ARHGAP26: variants seen among roughly 807,000 people sequenced by gnomAD.
The protein encoded by ARHGAP26 is Rho GTPase activating protein 26, also known as rho GTPase-activating protein 26.
ARHGAP26 carries 38 observed loss-of-function variants against 104.8 expected under a neutral mutation model. The ratio of observed to expected loss-of-function variants is 0.36; its 90% CI spans 0.28 to 0.48. The LOEUF (loss-of-function observed/expected upper bound fraction) is 0.48, where lower values mean the gene tolerates loss of function less well. ARHGAP26 is among the 20% of genes least tolerant of loss of function. ARHGAP26 has a pLI of 0.99. For synonymous variants in ARHGAP26, 341 were observed against 340.0 expected, an observed-to-expected ratio of 1.00 and a Z score of -0.03; for missense variants, 704 against 947.9, an observed-to-expected ratio of 0.74 and a Z score of 3.38.
intron 17 of ARHGAP26, chr5:143,103,167 C>T: frequency 1.1e-6 from 1 of 903,422 alleles, no homozygotes; most frequent in Non-Finnish European, 1.3e-6. Context: ...TTTACCTGTT[C>T]TTTTGATTTG....
intron 1 of ARHGAP26, among the ~76,000 whole-genome samples, chr5:142,797,444 A>G (rs563951827): frequency 6.6e-6 from 1 of 152,316 alleles, no homozygotes; most frequent in Non-Finnish European, 1.5e-5. Context: ...AAGGTGACTG[A>G]CTCAAGGATT....
chr5:142,879,524 C>G, intron 4 of ARHGAP26, 79 bp downstream of exon 4: 1 of 1,306,892 alleles, frequency 7.7e-7, no homozygotes, highest in Non-Finnish European at 1.1e-6. Context: ...AAAACAAAGT[C>G]TTCAGAAATG....
At chr5:143,035,468 C>T (rs1429871760) in intron 12 of ARHGAP26, among the ~76,000 whole-genome samples, 1 of 151,976 alleles carries the variant, frequency 6.6e-6, no homozygotes, top group African/African-American at 2.4e-5. Flanking sequence ...TGTTCTCACT[C>T]ATAAGTGGGA....
intron 12 of ARHGAP26, among the ~76,000 whole-genome samples, chr5:143,021,839 A>G (rs1780380723): frequency 6.6e-6 from 1 of 152,204 alleles, no homozygotes; most frequent in African/African-American, 2.4e-5. Flanking sequence ...CTGGATTGGT[A>G]ACACTGCTCT....
At chr5:142,920,156 C>T (rs1763010221) in intron 10 of ARHGAP26, among the ~76,000 whole-genome samples, 1 of 152,090 alleles carries the variant, frequency 6.6e-6, no homozygotes. Context: ...CAAAATGTGT[C>T]AACTCTTTGA....
intron 20 of ARHGAP26, among the ~76,000 whole-genome samples, chr5:143,194,640 T>A (rs575870064): frequency 2.0e-5 from 3 of 152,214 alleles, no homozygotes; most frequent in Non-Finnish European, 4.4e-5. Flanking sequence ...TTGACTTCTC[T>A]GTGGATATTT....
intron 17 of ARHGAP26, among the ~76,000 whole-genome samples, chr5:143,094,048 T>G (rs1562410800): frequency 6.6e-6 from 1 of 152,296 alleles, no homozygotes; most frequent in East Asian, 1.9e-4. Flanking sequence ...CATGGGGACT[T>G]CTCACCTCTT....
chr5:143,177,214 C>G (rs1374983770), intron 20 of ARHGAP26, among the ~76,000 whole-genome samples: 1 of 152,082 alleles, frequency 6.6e-6, no homozygotes, highest in African/African-American at 2.4e-5. Flanking sequence ...ATTAGTTTCC[C>G]AAGTGTCTTT....
intron 19 of ARHGAP26, among the ~76,000 whole-genome samples, chr5:143,136,747 A>C (rs1386719905): frequency 6.6e-6 from 1 of 152,188 alleles, no homozygotes; most frequent in Non-Finnish European, 1.5e-5. Context: ...ATGATAATGC[A>C]CTGTGAAGTT....
chr5:143,127,376 C>T (rs1796840039), intron 18 of ARHGAP26, among the ~76,000 whole-genome samples: 1 of 152,174 alleles, frequency 6.6e-6, no homozygotes, highest in Admixed American at 6.6e-5. Flanking sequence ...GCCAGCATTG[C>T]CTCTTTTGAT....
chr5:142,790,151 T>C (rs1238468030), intron 1 of ARHGAP26, among the ~76,000 whole-genome samples: 6 of 152,210 alleles, frequency 3.9e-5, no homozygotes, highest in Non-Finnish European at 7.3e-5. Flanking sequence ...AGTAAACAAG[T>C]GAGCAGGATG....
intron 11 of ARHGAP26, among the ~76,000 whole-genome samples, chr5:142,949,182 A>AGAGAGAGAGAG (rs1554167213): frequency 4.9e-4 from 8 of 16,248 alleles, no homozygotes; most frequent in South Asian, 3.7e-3. Context: ...AGAGAGAGAG[A>AGAGAGAGAGAG]GAGAGAGAGA....
chr5:143,121,009 G>T lies in ARHGAP26; in HGVS notation c.1560G>T (p.Gln520His), dbSNP rs1484503256. The T allele has an allele frequency of 6.2e-7, 1 of 1,613,242 alleles. No individual in the cohort carries two copies. Among genetic ancestry groups the T allele is most frequent in the Non-Finnish European group, 8.5e-7 (1 of 1,179,488 alleles). Reference sequence around the variant, plus strand: ...CCAGTGTTGCTAACAACCACAAGCAGAATTTGATGACGGTGGCAAACCTTG... The same window carrying T: ...CCAGTGTTGCTAACAACCACAAGCATAATTTGATGACGGTGGCAAACCTTG... ...HLANVANNHK[Q>H]NLMTVANLGV... The change falls in exon 18 of 23, where the codon CAG becomes CAT. Residue 520 changes from glutamine to histidine, a missense_variant. By Grantham distance (24) the Gln-to-His change is conservative. Coordinates refer to ENST00000645722, the MANE Select transcript of ARHGAP26 (RefSeq NM_001135608.3).
chr5:142,818,983 T>G (rs1765621359), intron 1 of ARHGAP26, among the ~76,000 whole-genome samples: 1 of 152,076 alleles, frequency 6.6e-6, no homozygotes, highest in African/African-American at 2.4e-5. Flanking sequence ...ACCTGGACAT[T>G]GGAGCCAGAG....
At chr5:143,066,294 ACT>A (rs1271182629) in intron 17 of ARHGAP26, among the ~76,000 whole-genome samples, 1 of 152,112 alleles carries the variant, frequency 6.6e-6, no homozygotes, top group Non-Finnish European at 1.5e-5. Context: ...GTGCAAATGC[ACT>A]CTATGATGTT....
chr5:142,994,598 G>A (rs1359776908), intron 11 of ARHGAP26, among the ~76,000 whole-genome samples: 2 of 152,206 alleles, frequency 1.3e-5, no homozygotes, highest in Non-Finnish European at 2.9e-5. Flanking sequence ...TGGGACTGAA[G>A]AGAAAGATAC....
intron 1 of ARHGAP26, among the ~76,000 whole-genome samples, chr5:142,860,973 T>C (rs1006057526): frequency 6.6e-6 from 1 of 152,220 alleles, no homozygotes; most frequent in Admixed American, 6.5e-5. Context: ...GTGGGCTCCC[T>C]GGAAGGGCTC....
intron 13 of ARHGAP26, among the ~76,000 whole-genome samples, chr5:143,040,693 A>G (rs1219020080): frequency 6.6e-6 from 1 of 152,240 alleles, no homozygotes; most frequent in East Asian, 1.9e-4. Context: ...GTTGCATTTA[A>G]GCTGAGATCT....
intron 17 of ARHGAP26, among the ~76,000 whole-genome samples, chr5:143,091,384 A>G (rs569319503): frequency 2.6e-5 from 4 of 152,252 alleles, no homozygotes; most frequent in Non-Finnish European, 5.9e-5. Context: ...GGGAAAGGAA[A>G]GTGGAAGATA....
Sources: gnomAD v4.1 joint callset for allele counts (sites outside exome capture counted in the v4.1 genomes callset) on GRCh38, gnomAD v4.1.1 for gene constraint, MANE v1.5 for transcripts, NCBI Gene and HGNC (gene_info 2026-07-23, HGNC 2026-07-21) for gene names.